EYS: variants seen among roughly 807,000 people sequenced by gnomAD.
The protein encoded by EYS is EGF-like photoreceptor maintenance factor.
Under a neutral mutation model 282.1 loss-of-function variants are expected in EYS, and 250 were observed. That is an observed-to-expected ratio of 0.89 (90% CI 0.80 to 0.98). The LOEUF (loss-of-function observed/expected upper bound fraction) is 0.98, where lower values mean the gene tolerates loss of function less well. EYS is among the 50% of genes least tolerant of loss of function. The pLI is 0.00. For missense variants in EYS, 4,016 were observed against 3,709.0 expected (o/e 1.08, Z -2.15); for synonymous variants, 1,355 against 1,282.9 (o/e 1.06, Z -1.20).
At chr6:65,404,848 A>G (rs1213650484) in intron 6 of EYS, among the ~76,000 whole-genome samples, 2 of 152,000 alleles carry the variant, frequency 1.3e-5, no homozygotes, top group African/African-American at 2.4e-5. Context: ...GAGCTAATGA[A>G]ATATTTCCTA....
chr6:64,575,671 T>C (rs1401412903), intron 26 of EYS, among the ~76,000 whole-genome samples: 1 of 151,998 alleles, frequency 6.6e-6, no homozygotes, highest in African/African-American at 2.4e-5. Flanking sequence ...TGTCAGAATA[T>C]GGTAAATTAG....
At chr6:65,317,820 T>C (rs1769340515) in intron 11 of EYS, among the ~76,000 whole-genome samples, 4 of 55,626 alleles carry the variant, frequency 7.2e-5, no homozygotes, top group South Asian at 6.8e-4. Context: ...CTTCCTTCCT[T>C]CCTTCCTTTC....
At chr6:64,077,783 A>G (rs1771822685) in intron 32 of EYS, among the ~76,000 whole-genome samples, 1 of 151,942 alleles carries the variant, frequency 6.6e-6, no homozygotes, top group South Asian at 2.1e-4. Context: ...AATAGAGCTC[A>G]TTTTCTGAAA....
intron 36 of EYS, among the ~76,000 whole-genome samples, chr6:63,830,235 A>T (rs184681815): frequency 6.6e-6 from 1 of 152,368 alleles, no homozygotes; most frequent in East Asian, 1.9e-4. Context: ...AGTTGAGAGA[A>T]GAAGGCTTCA....
intron 12 of EYS, among the ~76,000 whole-genome samples, chr6:65,084,811 A>T (rs376003407): frequency 2.6e-5 from 4 of 152,234 alleles, no homozygotes; most frequent in East Asian, 3.9e-4. Flanking sequence ...AGTTGGAAAA[A>T]ACTATAGCAT....
chr6:64,597,534 G>T lies in EYS; in HGVS notation c.3685-4225C>A, dbSNP rs1176695251. Among the ~76,000 whole-genome samples the T allele has an allele frequency of 3.3e-5, 5 of 152,124 alleles. No individual in the cohort carries two copies. In the East Asian group the frequency reaches 7.7e-4, roughly 23 times the overall value. On this transcript the variant is annotated intron_variant, in intron 24 of 42. Coordinates refer to ENST00000503581, the MANE Select transcript of EYS (RefSeq NM_001142800.2). ...ATGGAATACTAGTCAGCCATAAAAA[G>T]AATTAAATCAGGTGTTTTGTAGCAA... is the stretch of plus-strand genomic sequence containing the variant.
chr6:65,508,620 G>A (rs549534581), intron 2 of EYS, among the ~76,000 whole-genome samples: 4 of 145,756 alleles, frequency 2.7e-5, no homozygotes, highest in East Asian at 2.0e-4. Context: ...CCGAGATCAC[G>A]CCACTGCACT....
intron 14 of EYS, among the ~76,000 whole-genome samples, chr6:64,970,398 A>G (rs926304794): frequency 1.3e-5 from 2 of 152,114 alleles, no homozygotes; most frequent in African/African-American, 4.8e-5. Context: ...GGGTTTCGTC[A>G]TGTTGGCCAG....
At chr6:65,207,917 G>A (rs1470841147) in intron 12 of EYS, among the ~76,000 whole-genome samples, 3 of 151,546 alleles carry the variant, frequency 2.0e-5, no homozygotes, top group African/African-American at 7.3e-5. Context: ...AACTATAGAA[G>A]TCCTAGAAGA....
chr6:65,006,973 A>G (rs999542138), intron 13 of EYS, among the ~76,000 whole-genome samples: 4 of 152,224 alleles, frequency 2.6e-5, no homozygotes, highest in African/African-American at 9.6e-5. Context: ...TTGATGGGGC[A>G]GCTGGGTTGT....
At chr6:65,621,321 C>G (rs1272668650) in intron 2 of EYS, among the ~76,000 whole-genome samples, 1 of 151,936 alleles carries the variant, frequency 6.6e-6, no homozygotes, top group Non-Finnish European at 1.5e-5. Flanking sequence ...CCTTCTTTGT[C>G]TCTTTTGATC....
chr6:63,904,619 C>T (rs926316645), intron 35 of EYS, among the ~76,000 whole-genome samples: 2 of 152,086 alleles, frequency 1.3e-5, no homozygotes, highest in Admixed American at 6.6e-5. Flanking sequence ...GGAACTTAGG[C>T]CAGATAATGG....
intron 14 of EYS, among the ~76,000 whole-genome samples, chr6:64,957,477 A>G (rs969528087): frequency 1.2e-4 from 18 of 152,156 alleles, no homozygotes; most frequent in Admixed American, 1.0e-3. Flanking sequence ...AATGGATAAA[A>G]AAAAAAAATT....
intron 22 of EYS, among the ~76,000 whole-genome samples, chr6:64,769,593 T>C (rs1259207603): frequency 6.6e-6 from 1 of 151,990 alleles, no homozygotes; most frequent in African/African-American, 2.4e-5. Context: ...CAGACACATG[T>C]AGTAAATAAA....
At chr6:64,325,978 A>G (rs1206448540) in intron 29 of EYS, among the ~76,000 whole-genome samples, 4 of 152,196 alleles carry the variant, frequency 2.6e-5, no homozygotes, top group Admixed American at 1.3e-4. Context: ...TTTGGAAAAC[A>G]TATTTGGGGG....
chr6:65,322,791 G>A (rs1428029617), intron 11 of EYS, among the ~76,000 whole-genome samples: 10 of 120,152 alleles, frequency 8.3e-5, no homozygotes, highest in African/African-American at 1.1e-4. Context: ...GCAAGAATCC[G>A]TCTCAAAAAA....
chr6:64,514,956 A>T (rs1239928877), intron 26 of EYS, among the ~76,000 whole-genome samples: 11 of 151,408 alleles, frequency 7.3e-5, no homozygotes, highest in Admixed American at 7.3e-4. Flanking sequence ...AACGTGTAAG[A>T]CTCTTCTGTC....
intron 22 of EYS, among the ~76,000 whole-genome samples, chr6:64,750,477 AT>A (rs909878825): frequency 8.6e-5 from 13 of 151,584 alleles, no homozygotes; most frequent in East Asian, 3.9e-4. Flanking sequence ...ATGGTAAATA[AT>A]TTTTTTTTAC....
chr6:64,990,034 G>A (rs888308119), intron 14 of EYS, among the ~76,000 whole-genome samples: 5 of 151,254 alleles, frequency 3.3e-5, no homozygotes, highest in African/African-American at 1.2e-4. Context: ...GTTTACACAT[G>A]TATCTATCAA....
Sources: gnomAD v4.1 joint callset for allele counts (sites outside exome capture counted in the v4.1 genomes callset) on GRCh38, gnomAD v4.1.1 for gene constraint, MANE v1.5 for transcripts, NCBI Gene and HGNC (gene_info 2026-07-23, HGNC 2026-07-21) for gene names.